COL4A2: variants seen among roughly 807,000 people sequenced by gnomAD.
The protein encoded by COL4A2 is collagen alpha-2(IV) chain.
In COL4A2, 99 loss-of-function variants were observed where a neutral mutation model predicts 200.2. The observed-to-expected ratio is 0.49, with a 90% CI of 0.42 to 0.58. COL4A2 has a LOEUF of 0.58. Ranked by LOEUF, COL4A2 falls within the 20% of genes least tolerant of loss-of-function variation. The pLI is 0.00. For missense variants in COL4A2, 1,950 were observed against 2,314.1 expected, an observed-to-expected ratio of 0.84 and a Z score of 3.23; for synonymous variants, 897 against 900.6, an observed-to-expected ratio of 1.00 and a Z score of 0.07.
At chr13:110,414,008 CT>C (rs1275591075) in intron 4 of COL4A2, among the ~76,000 whole-genome samples, 1 of 152,180 alleles carries the variant, frequency 6.6e-6, no homozygotes, top group Non-Finnish European at 1.5e-5. Context: ...GCTTGGGGGC[CT>C]TGCTGAAAAC....
chr13:110,418,751 A>G (rs187693332), intron 4 of COL4A2, among the ~76,000 whole-genome samples: 4 of 152,330 alleles, frequency 2.6e-5, no homozygotes, highest in Admixed American at 6.5e-5. Context: ...AAAGTGTCCA[A>G]CTTAACCTCA....
rs1481313979 is a variant in COL4A2 at position 110,350,935 on chromosome 13, C to T, written c.100-6537C>T. On this transcript the variant is annotated intron_variant, in intron 3 of 47. Transcript: ENST00000360467. ...CTGATCAGTTTTCCTCTCTGTTTCC[C>T]TCTTATTCCCTCCCATTTTATTTGT... Among the ~76,000 whole-genome samples the T allele has an allele frequency of 4.6e-5, 7 of 152,210 alleles. No homozygotes were observed. In the East Asian group the frequency reaches 9.6e-4, roughly 21 times the overall value.
At chr13:110,443,544 T>C (rs1364477861) in intron 16 of COL4A2, among the ~76,000 whole-genome samples, 2 of 152,216 alleles carry the variant, frequency 1.3e-5, no homozygotes, top group Non-Finnish European at 2.9e-5. Flanking sequence ...GAATCATATA[T>C]ATGACCTCAC....
At chr13:110,494,208 C>T (rs928152505) in intron 39 of COL4A2, among the ~76,000 whole-genome samples, 3 of 152,192 alleles carry the variant, frequency 2.0e-5, no homozygotes, top group Non-Finnish European at 1.5e-5. Flanking sequence ...AGGTTTCCAT[C>T]CTGAGCCCTT....
chr13:110,367,292 G>A (rs547697546), intron 4 of COL4A2, among the ~76,000 whole-genome samples: 122 of 152,358 alleles, frequency 8.0e-4, no homozygotes, highest in African/African-American at 2.7e-3. Context: ...TTAATGTTGG[G>A]TAAATAATAT....
At chr13:110,494,273 C>T (rs1883380538) in intron 39 of COL4A2, among the ~76,000 whole-genome samples, 1 of 152,158 alleles carries the variant, frequency 6.6e-6, no homozygotes, top group African/African-American at 2.4e-5. Context: ...CAGACTTTCC[C>T]ACAGAAGGCC....
At chr13:110,475,010 ACT>A (rs1202902070) in intron 29 of COL4A2, among the ~76,000 whole-genome samples, 1 of 151,052 alleles carries the variant, frequency 6.6e-6, no homozygotes, top group Non-Finnish European at 1.5e-5. Context: ...ATGATCGTAC[ACT>A]CATACACACA....
At chr13:110,491,624 G>T (rs1883286953) in intron 37 of COL4A2, among the ~76,000 whole-genome samples, 1 of 152,142 alleles carries the variant, frequency 6.6e-6, no homozygotes, top group African/African-American at 2.4e-5. Context: ...GTTTGTAAGG[G>T]ATCCCTTTGC....
At chr13:110,504,377 C>T (rs755128281) in intron 45 of COL4A2, 113 bp downstream of exon 45, 223 of 817,008 alleles carry the variant, frequency 2.7e-4, no homozygotes, top group Non-Finnish European at 4.2e-4. Flanking sequence ...AGAAATGAGG[C>T]GCTGCCCCAC....
rs367941407 is a variant in COL4A2, at chr13:110,330,975, C to T, written c.99+22852C>T. The stretch of plus-strand genomic sequence containing the variant: ...TTCCATCTACCCGATCTCGCCGTGC[C>T]ATCACTACTCATGAAATTGCTGTTT... On this transcript the variant is annotated intron_variant, in intron 3 of 47. Transcript: ENST00000360467. Among the ~76,000 whole-genome samples the T allele has an allele frequency of 2.1e-4, 32 of 152,232 alleles. No homozygotes were observed. In the South Asian group the frequency reaches 4.1e-3, roughly 20 times the overall value.
intron 4 of COL4A2, among the ~76,000 whole-genome samples, chr13:110,360,384 C>G (rs1258484326): frequency 6.6e-6 from 1 of 152,162 alleles, no homozygotes; most frequent in African/African-American, 2.4e-5. Context: ...GAATTTGATT[C>G]TTCAGTAAAC....
chr13:110,448,734 G>A (rs1245034137), intron 18 of COL4A2, among the ~76,000 whole-genome samples: 2 of 152,200 alleles, frequency 1.3e-5, no homozygotes, highest in Non-Finnish European at 2.9e-5. Context: ...ATGGCTAACA[G>A]GAGTGTAGGT....
intron 34 of COL4A2, among the ~76,000 whole-genome samples, chr13:110,486,139 G>T (rs761416980): frequency 9.2e-5 from 14 of 152,166 alleles, no homozygotes; most frequent in Admixed American, 2.0e-4. Context: ...AGGGATCAGA[G>T]CTCTAAAATT....
At chr13:110,406,266 G>A (rs1879565871) in intron 4 of COL4A2, among the ~76,000 whole-genome samples, 1 of 152,172 alleles carries the variant, frequency 6.6e-6, no homozygotes, top group Non-Finnish European at 1.5e-5. Flanking sequence ...TGCCCCTACG[G>A]ACACTGATGG....
At chr13:110,362,077 C>A (rs1272339553) in intron 4 of COL4A2, among the ~76,000 whole-genome samples, 5 of 152,202 alleles carry the variant, frequency 3.3e-5, no homozygotes, top group Non-Finnish European at 7.3e-5. Flanking sequence ...AAGAGTGAGG[C>A]TCTCCGGGAT....
intron 3 of COL4A2, among the ~76,000 whole-genome samples, chr13:110,348,522 T>C (rs1876813885): frequency 6.6e-6 from 1 of 152,250 alleles, no homozygotes; most frequent in Admixed American, 6.5e-5. Context: ...CCTGTTTTGA[T>C]AAACTAATAG....
Position 110,344,380 on chromosome 13 carries a change from C to T in COL4A2, c.100-13092C>T, listed in dbSNP as rs185325315. Reference sequence around the variant, plus strand: ...GCCAATTTTCTTATTAGTTATTTGACGACAACATTGAGGTTTAAATGAGTA... The same window carrying T: ...GCCAATTTTCTTATTAGTTATTTGATGACAACATTGAGGTTTAAATGAGTA... On this transcript the variant is annotated intron_variant, in intron 3 of 47. Transcript: ENST00000360467. Among the ~76,000 whole-genome samples the T allele has an allele frequency of 1.4e-3, 212 of 152,176 alleles. 2 individuals carry two copies. Among genetic ancestry groups the T allele is most frequent in the African/African-American group, 4.9e-3 (205 of 41,500 alleles).
chr13:110,422,738 C>A (rs114804376), intron 4 of COL4A2, among the ~76,000 whole-genome samples: 1 of 152,140 alleles, frequency 6.6e-6, no homozygotes, highest in Admixed American at 6.5e-5. Flanking sequence ...AGCTTCCACC[C>A]CAAAAAATCA....
At chr13:110,429,982 T>C in intron 8 of COL4A2, 26 bp downstream of exon 8, 1 of 1,553,874 alleles carries the variant, frequency 6.4e-7, no homozygotes, top group Non-Finnish European at 8.7e-7. Flanking sequence ...ATGGGAGGGG[T>C]AATGAAGGGA....
Sources: allele counts gnomAD v4.1 joint callset (sites outside exome capture counted in the v4.1 genomes callset), GRCh38; gene constraint gnomAD v4.1.1; transcripts MANE v1.5; gene names NCBI Gene and HGNC (gene_info 2026-07-23, HGNC 2026-07-21).